Variants in AGAP1 observed in about 807,000 individuals in gnomAD.
The protein encoded by AGAP1 is ArfGAP with GTPase domain, ankyrin repeat and PH domain 1.
A neutral mutation model predicts 105.3 loss-of-function variants in AGAP1; 29 were observed. The ratio of observed to expected loss-of-function variants is 0.28; its 90% CI spans 0.21 to 0.38. The LOEUF (loss-of-function observed/expected upper bound fraction) is 0.38. Among genes scored for constraint, AGAP1 ranks in the 10% least tolerant of loss-of-function variants. The probability of loss-of-function intolerance (pLI) is 1.00; values close to 1 mark genes in which losing one functional copy is unlikely to be tolerated. For synonymous variants in AGAP1, 509 were observed against 485.9 expected (o/e 1.05, Z -0.63); for missense variants, 998 against 1,165.1 (o/e 0.86, Z 2.09).
chr2:235,871,278 C>G (rs2049423531), intron 9 of AGAP1, among the ~76,000 whole-genome samples: 1 of 152,206 alleles, frequency 6.6e-6, no homozygotes, highest in Non-Finnish European at 1.5e-5. Flanking sequence ...TCTAATTGTG[C>G]TGGAAAATTC....
intron 1 of AGAP1, among the ~76,000 whole-genome samples, chr2:235,632,402 C>T (rs144831935): frequency 0.013 from 1,945 of 152,270 alleles, 17 homozygotes; most frequent in South Asian, 0.021. Context: ...CTCCCCTCTG[C>T]CTGTGTGTTC....
chr2:235,775,699 T>C (rs953771718), intron 6 of AGAP1: 1 of 152,190 alleles, frequency 6.6e-6, no homozygotes, highest in African/African-American at 2.4e-5. Flanking sequence ...TTTGCTGTTA[T>C]AAATTTTCTC....
rs1299546637 is a variant in AGAP1 at position 236,009,081 on chromosome 2, TC to T, written c.1646-27479del. Among the ~76,000 whole-genome samples the T allele has an allele frequency of 6.6e-6, 1 of 152,186 alleles. No individual in the cohort carries two copies. The highest frequency in any genetic ancestry group is 6.5e-5 in the Admixed American group (1 of 15,280). On this transcript the variant is annotated intron_variant, in intron 13 of 17. Transcript: ENST00000304032. This position sits in a 1 kb window ranked among gnomAD's most constrained non-coding sequence, Gnocchi z 4.2. ...TCAACATGACTCCTTCTCTGTGAGCTCTCCGCTAGGAAGCGGCCATCATGTC... is the reference window on the plus strand; with the variant it reads ...TCAACATGACTCCTTCTCTGTGAGCTTCCGCTAGGAAGCGGCCATCATGTC...
intron 9 of AGAP1, among the ~76,000 whole-genome samples, chr2:235,854,638 TTACCAG>T (rs1414224115): frequency 7.2e-5 from 11 of 152,222 alleles, no homozygotes; most frequent in African/African-American, 2.7e-4. Flanking sequence ...CCGCGTCCGC[TTACCAG>T]TGGTGGACTT....
In AGAP1 at chr2:236,002,884, G is replaced by A. The variant is rs916363562; in HGVS notation, c.1646-33677G>A. Among the ~76,000 whole-genome samples, 2 of 152,256 alleles carry A rather than the reference G, an allele frequency of 1.3e-5. No homozygotes were observed. Among genetic ancestry groups the A allele is most frequent in the Middle Eastern group, 3.4e-3 (1 of 294 alleles). Reference sequence around the variant, plus strand: ...GAAAAATGACCAAGTCTCCTAAGGTGAAGTTTGTGTGTGAACAGGAGGGCC... The same window carrying A: ...GAAAAATGACCAAGTCTCCTAAGGTAAAGTTTGTGTGTGAACAGGAGGGCC... On this transcript the variant is annotated intron_variant, in intron 13 of 17. Transcript: ENST00000304032. This position sits in a 1 kb window ranked among gnomAD's most constrained non-coding sequence, Gnocchi z 4.3.
chr2:235,936,084 T>C lies in AGAP1; in HGVS notation c.1483+5161T>C, dbSNP rs1333064259. 2.0e-5 allele frequency among the ~76,000 whole-genome samples: 3 copies of C among 152,220 alleles called. No homozygotes were observed. The highest frequency in any genetic ancestry group is 4.4e-5 in the Non-Finnish European group (3 of 68,034). The stretch of plus-strand genomic sequence containing the variant: ...CCAGCCCTGGACTGTCAGGTTCTTC[T>C]GATAGCTCCACCCCATCCCCGATTG... On this transcript the variant is annotated intron_variant, in intron 12 of 17. Coordinates refer to ENST00000304032, the MANE Select transcript of AGAP1 (RefSeq NM_001037131.3). The surrounding 1 kb of genome is among the most constrained non-coding windows in gnomAD (Gnocchi z 4.7).
chr2:236,116,367 T>TTTTTTTTTTTTTTTTGG (rs1553578895), intron 16 of AGAP1, among the ~76,000 whole-genome samples: 1 of 150,422 alleles, frequency 6.6e-6, no homozygotes, highest in African/African-American at 2.4e-5. Context: ...CTTTTTTTTT[T>TTTTTTTTTTTTTTTTGG]GAGAGAGAGT....
rs1314287073 is a variant in AGAP1 at position 235,930,442 on chromosome 2, C to T, written c.1325-323C>T. 1.3e-5 allele frequency among the ~76,000 whole-genome samples: 2 copies of T among 152,196 alleles called. No individual in the cohort carries two copies. Among genetic ancestry groups the T allele is most frequent in the African/African-American group, 4.8e-5 (2 of 41,458 alleles). ...GGATCGCGGTGTCTCTGCTAAGACTCGCTGGGTCTTTTGTCTTCACTTCCA... is the reference window on the plus strand; with the variant it reads ...GGATCGCGGTGTCTCTGCTAAGACTTGCTGGGTCTTTTGTCTTCACTTCCA... On this transcript the variant is annotated intron_variant, in intron 11 of 17. Coordinates refer to ENST00000304032, the MANE Select transcript of AGAP1 (RefSeq NM_001037131.3). The surrounding 1 kb of genome is among the most constrained non-coding windows in gnomAD (Gnocchi z 7.9).
chr2:236,060,456 A>G (rs189911371), intron 16 of AGAP1, among the ~76,000 whole-genome samples: 168 of 152,296 alleles, frequency 1.1e-3, no homozygotes, highest in Non-Finnish European at 2.2e-3. Context: ...TGGGAGGCCA[A>G]GGTGGGAGGA....
chr2:236,102,573 G>GT (rs1170963579), intron 16 of AGAP1, among the ~76,000 whole-genome samples: 2 of 148,182 alleles, frequency 1.3e-5, no homozygotes, highest in Non-Finnish European at 3.0e-5. Context: ...GGGCGACAGA[G>GT]TGAGAGACTG....
chr2:235,529,925 C>T (rs1447170788), intron 1 of AGAP1, among the ~76,000 whole-genome samples: 1 of 152,128 alleles, frequency 6.6e-6, no homozygotes, highest in Non-Finnish European at 1.5e-5. Flanking sequence ...ACTACCTGTC[C>T]TCTGGAGATT....
At chr2:235,820,758 A>G (rs1427585352) in intron 9 of AGAP1, among the ~76,000 whole-genome samples, 2 of 152,270 alleles carry the variant, frequency 1.3e-5, no homozygotes, top group South Asian at 2.1e-4. Context: ...TGATTAGGCA[A>G]TGAGGAACCA....
At position 235,958,529 on chromosome 2, in the gene AGAP1, T is replaced by C. The variant is rs2054046389; in HGVS notation, c.1484-9933T>C. Among the ~76,000 whole-genome samples, 1 of 152,110 alleles carries C rather than the reference T, an allele frequency of 6.6e-6. No individual in the cohort carries two copies. The highest frequency in any genetic ancestry group is 1.5e-5 in the Non-Finnish European group (1 of 68,000). ...GATATCAAAAACCTATCAGCACACC[T>C]GGCGAGGACCCTCACCAAGGCGAGC... On this transcript the variant is annotated intron_variant, in intron 12 of 17. Transcript: ENST00000304032. The surrounding 1 kb of genome is among the most constrained non-coding windows in gnomAD (Gnocchi z 4.1).
At chr2:235,767,760 A>G (rs1955084997) in intron 6 of AGAP1, among the ~76,000 whole-genome samples, 1 of 147,110 alleles carries the variant, frequency 6.8e-6, no homozygotes, top group African/African-American at 2.5e-5. Flanking sequence ...TTGGTATAGA[A>G]TCTTCCAGTT....
At position 235,741,743 on chromosome 2, in the gene AGAP1, A is replaced by AT. The variant is rs553513243; in HGVS notation, c.396+701dup. Among the ~76,000 whole-genome samples the AT allele has an allele frequency of 8.2e-3, 1,228 of 149,104 alleles. 20 individuals carry two copies. Among genetic ancestry groups the AT allele is most frequent in the African/African-American group, 0.028 (1,151 of 40,594 alleles). Reference sequence around the variant, plus strand: ...TGTTGTTGTTATTATTATTATTGTTATTTTTTATTATTTATTTATTTTTTT... The same window carrying AT: ...TGTTGTTGTTATTATTATTATTGTTATTTTTTTATTATTTATTTATTTTTTT... On this transcript the variant is annotated intron_variant, in intron 4 of 17. Coordinates refer to ENST00000304032, the MANE Select transcript of AGAP1 (RefSeq NM_001037131.3). The surrounding 1 kb of genome is among the most constrained non-coding windows in gnomAD (Gnocchi z 4.9).
chr2:235,947,366 T>C (rs1203301857), intron 12 of AGAP1, among the ~76,000 whole-genome samples: 2 of 152,216 alleles, frequency 1.3e-5, no homozygotes, highest in Non-Finnish European at 2.9e-5. Flanking sequence ...AGAATAATGG[T>C]CTCCAAATCT....
chr2:236,129,449 AAG>A lies in AGAP1; in HGVS notation c.*5329_*5330del, dbSNP rs1485521244. The A allele has an allele frequency of 6.6e-6, 1 of 152,230 alleles. No homozygotes were observed. Among genetic ancestry groups the A allele is most frequent in the Non-Finnish European group, 1.5e-5 (1 of 68,048 alleles). The allele number at this position is 152,230 out of a possible 1,614,324, so 9.4% of individuals were successfully genotyped here. On this transcript the variant is annotated 3_prime_UTR_variant, in exon 18 of 18. Coordinates refer to ENST00000304032, the MANE Select transcript of AGAP1 (RefSeq NM_001037131.3). This position sits in a 1 kb window ranked among gnomAD's most constrained non-coding sequence, Gnocchi z 6.2. ...GAGTACACCTTGGAGCTGGATCACT[AAG>A]AAACAGTCCTCAGACTGGTCCTTCC...
intron 13 of AGAP1, among the ~76,000 whole-genome samples, chr2:236,025,368 C>T (rs1007071410): frequency 2.6e-5 from 4 of 152,082 alleles, no homozygotes; most frequent in African/African-American, 9.7e-5. Flanking sequence ...TCTAGTTGCT[C>T]ATAAGTAAAA....
rs181028959 is a variant in AGAP1 at position 235,612,575 on chromosome 2, G to A, written c.164-96604G>A. Among the ~76,000 whole-genome samples, 1 of 152,334 alleles carries A rather than the reference G, an allele frequency of 6.6e-6. No individual in the cohort carries two copies. The highest frequency in any genetic ancestry group is 2.4e-5 in the African/African-American group (1 of 41,570). On this transcript the variant is annotated intron_variant, in intron 1 of 17. Coordinates refer to ENST00000304032, the MANE Select transcript of AGAP1 (RefSeq NM_001037131.3). This position sits in a 1 kb window ranked among gnomAD's most constrained non-coding sequence, Gnocchi z 4.3. ...TGCTAAGGGAAAAGAACGTGACTGT[G>A]TGGGGGTCTCCCTGACTCCTTAGAA...
Sources: gnomAD v4.1 joint callset for allele counts (sites outside exome capture counted in the v4.1 genomes callset) on GRCh38, gnomAD v4.1.1 for gene constraint, Gnocchi (gnomAD v3.1) non-coding constraint, MANE v1.5 for transcripts, NCBI Gene and HGNC (gene_info 2026-07-23, HGNC 2026-07-21) for gene names.